Variants in NEK7 observed in about 807,000 individuals in gnomAD.
NEK7 encodes the protein serine/threonine-protein kinase Nek7.
Under a neutral mutation model 44.6 loss-of-function variants are expected in NEK7, and 18 were observed. That is an observed-to-expected ratio of 0.40 (90% CI 0.28 to 0.60). The LOEUF is 0.60. Among genes scored for constraint, NEK7 ranks in the 20% least tolerant of loss-of-function variants. The probability of loss-of-function intolerance (pLI) is 0.38; values close to 1 mark genes in which losing one functional copy is unlikely to be tolerated. For missense variants in NEK7, 256 were observed against 366.5 expected (o/e 0.70, Z 2.46); for synonymous variants, 130 against 121.1 (o/e 1.07, Z -0.48).
Position 198,272,347 on chromosome 1 carries a change from G to A in NEK7, c.373-5614G>A, listed in dbSNP as rs928171906. 4.6e-5 allele frequency among the ~76,000 whole-genome samples: 7 copies of A among 151,934 alleles called. No homozygotes were observed. The East Asian group carries it at 1.4e-3, about 29-fold the overall frequency. ...TTTGTAAACCATGTAATACCATCGT[G>A]AGCAGTAATTTTGGTAACTGTAGAC... On this transcript the variant is annotated intron_variant, in intron 5 of 9. Transcript: ENST00000367385.
intron 1 of NEK7, among the ~76,000 whole-genome samples, chr1:198,226,127 T>C (rs995333717): frequency 1.3e-5 from 2 of 152,020 alleles, no homozygotes; most frequent in Non-Finnish European, 2.9e-5. Context: ...TATTAAAATA[T>C]ATTTTTGTTT....
intron 7 of NEK7, among the ~76,000 whole-genome samples, chr1:198,288,866 T>C (rs1280975131): frequency 1.3e-5 from 2 of 152,184 alleles, no homozygotes; most frequent in Non-Finnish European, 2.9e-5. Flanking sequence ...ACAATAACAA[T>C]AAAATATGCT....
chr1:198,184,454 A>T (rs1664856719), intron 1 of NEK7, among the ~76,000 whole-genome samples: 1 of 152,328 alleles, frequency 6.6e-6, no homozygotes, highest in African/African-American at 2.4e-5. Flanking sequence ...TTAATTTTAA[A>T]TAGTCAAACT....
At chr1:198,213,725 T>G (rs1051356445) in intron 1 of NEK7, among the ~76,000 whole-genome samples, 4 of 152,136 alleles carry the variant, frequency 2.6e-5, no homozygotes, top group Non-Finnish European at 2.9e-5. Context: ...TGTGGTGCCT[T>G]CCTTCTTTCC....
At chr1:198,162,485 T>C (rs998425164) in intron 1 of NEK7, among the ~76,000 whole-genome samples, 1 of 152,230 alleles carries the variant, frequency 6.6e-6, no homozygotes, top group Non-Finnish European at 1.5e-5. Context: ...CAGACTGTAG[T>C]TGTCGCAACT....
intron 1 of NEK7, among the ~76,000 whole-genome samples, chr1:198,167,808 G>C (rs953471740): frequency 6.6e-6 from 1 of 152,148 alleles, no homozygotes; most frequent in African/African-American, 2.4e-5. Context: ...ACGCTGGAAA[G>C]TGTTCAAGAA....
intron 1 of NEK7, among the ~76,000 whole-genome samples, chr1:198,229,396 G>A (rs1389362884): frequency 1.3e-5 from 2 of 152,140 alleles, no homozygotes; most frequent in African/African-American, 4.8e-5. Flanking sequence ...TCTGTGAGCC[G>A]CTCTGGCAAA....
chr1:198,272,189 A>C (rs901011367), intron 5 of NEK7, among the ~76,000 whole-genome samples: 9 of 151,756 alleles, frequency 5.9e-5, no homozygotes, highest in Admixed American at 6.6e-5. Context: ...AATGACCATT[A>C]TTTAATTCTG....
chr1:198,229,246 G>A (rs556269528), intron 1 of NEK7, among the ~76,000 whole-genome samples: 1 of 152,324 alleles, frequency 6.6e-6, no homozygotes, highest in Admixed American at 6.5e-5. Flanking sequence ...ACACATTGGA[G>A]GTTCCTGGAG....
At chr1:198,157,508 C>G (rs1365936924) in intron 1 of NEK7, among the ~76,000 whole-genome samples, 1 of 152,294 alleles carries the variant, frequency 6.6e-6, no homozygotes, top group East Asian at 1.9e-4. Context: ...TACCTGGCCC[C>G]GGCTCTAGAG....
At chr1:198,299,331 C>A (rs1473128440) in intron 9 of NEK7, among the ~76,000 whole-genome samples, 1 of 152,144 alleles carries the variant, frequency 6.6e-6, no homozygotes, top group East Asian at 1.9e-4. Flanking sequence ...TAAATATTTT[C>A]TCTCCTTAAG....
chr1:198,269,330 TAG>T (rs1653763742), intron 5 of NEK7, among the ~76,000 whole-genome samples: 2 of 152,146 alleles, frequency 1.3e-5, no homozygotes, highest in Admixed American at 1.3e-4. Flanking sequence ...TCTCGTTTCA[TAG>T]AGAGTTGCTG....
At chr1:198,226,299 C>CT (rs1055630520) in intron 1 of NEK7, among the ~76,000 whole-genome samples, 61 of 152,130 alleles carry the variant, frequency 4.0e-4, no homozygotes, top group African/African-American at 1.4e-3. Flanking sequence ...AATCCCAGCA[C>CT]TTTGGGAGGC....
intron 1 of NEK7, among the ~76,000 whole-genome samples, chr1:198,165,377 C>T (rs1033674882): frequency 1.1e-4 from 16 of 152,134 alleles, no homozygotes; most frequent in Admixed American, 1.3e-4. Context: ...AAATGTATTT[C>T]GTATTCTTAG....
chr1:198,177,641 T>C (rs1226143275), intron 1 of NEK7, among the ~76,000 whole-genome samples: 1 of 152,024 alleles, frequency 6.6e-6, no homozygotes, highest in Non-Finnish European at 1.5e-5. Flanking sequence ...GTACAAAATG[T>C]CAGAATAACT....
At chr1:198,252,298 T>C (rs1029717039) in intron 2 of NEK7, among the ~76,000 whole-genome samples, 2 of 151,882 alleles carry the variant, frequency 1.3e-5, no homozygotes, top group Non-Finnish European at 2.9e-5. Flanking sequence ...CTTCCACCTA[T>C]GTGGTCAATT....
At chr1:198,283,151 G>C (rs948017488) in intron 7 of NEK7, among the ~76,000 whole-genome samples, 1 of 152,118 alleles carries the variant, frequency 6.6e-6, no homozygotes, top group Non-Finnish European at 1.5e-5. Flanking sequence ...GAAAAGACAG[G>C]GCTGGATGTA....
intron 1 of NEK7, among the ~76,000 whole-genome samples, chr1:198,196,256 T>C (rs1411927321): frequency 2.0e-5 from 3 of 152,182 alleles, no homozygotes; most frequent in Admixed American, 2.0e-4. Flanking sequence ...GCTGATTTAG[T>C]GCAGCAACCA....
At chr1:198,211,048 A>G (rs1665755918) in intron 1 of NEK7, among the ~76,000 whole-genome samples, 1 of 152,030 alleles carries the variant, frequency 6.6e-6, no homozygotes, top group Non-Finnish European at 1.5e-5. Flanking sequence ...GTGATATTCA[A>G]CATGCTTTAT....
Sources: gnomAD v4.1 joint callset for allele counts (sites outside exome capture counted in the v4.1 genomes callset) on GRCh38, gnomAD v4.1.1 for gene constraint, MANE v1.5 for transcripts, NCBI Gene and HGNC (gene_info 2026-07-23, HGNC 2026-07-21) for gene names.